FEM1A: variants seen among roughly 807,000 people sequenced by gnomAD.
FEM1A encodes fem-1 homolog A.
A neutral mutation model predicts 0.7 loss-of-function variants in FEM1A; 1 was observed. The ratio of observed to expected loss-of-function variants is 1.35; its 90% CI spans 0.48 to 6.40. FEM1A has a LOEUF of 6.40. Ranked by LOEUF, FEM1A falls within the 30% of genes most tolerant of loss-of-function variation. The pLI is 0.14. For missense variants in FEM1A, 721 were observed against 918.7 expected, an observed-to-expected ratio of 0.78 and a Z score of 2.78; for synonymous variants, 391 against 420.6, an observed-to-expected ratio of 0.93 and a Z score of 0.86.
chr19:4,792,479 A>G lies in FEM1A; in HGVS notation c.625A>G (p.Met209Val). Reference sequence around the variant, plus strand: ...GCTGCTGCTGGGGTGCAAGGCCCGCATGGAACGTGACGGCTACGGCATGAC... The same window carrying G: ...GCTGCTGCTGGGGTGCAAGGCCCGCGTGGAACGTGACGGCTACGGCATGAC... ...LQLLLGCKAR[M>V]ERDGYGMTPL... The change falls in exon 1 of 1, where the codon ATG becomes GTG. Residue 209 changes from methionine (M) to valine (V), a missense_variant. This residue lies in a region of FEM1A where 195 missense variants were observed against 316.9 expected (regional missense o/e 0.62). Coordinates refer to ENST00000269856, the MANE Select transcript of FEM1A (RefSeq NM_018708.3). This position sits in a 1 kb window ranked among gnomAD's most constrained non-coding sequence, Gnocchi z 6.7. The G allele has an allele frequency of 6.3e-7, 1 of 1,597,416 alleles. No individual in the cohort carries two copies. The highest frequency in any genetic ancestry group is 8.5e-7 in the Non-Finnish European group (1 of 1,179,658).
rs2093564899 is a variant in FEM1A at position 4,798,935 on chromosome 19, G to C, written c.*5071G>C. On this transcript the variant is annotated 3_prime_UTR_variant, in exon 1 of 1. Coordinates refer to ENST00000269856, the MANE Select transcript of FEM1A (RefSeq NM_018708.3). ...CTTTGAAAGCTCAGACCTGGGGATT[G>C]TAACTTTAGCCTCATACCTTCTAAT... The C allele has an allele frequency of 6.6e-6, 1 of 152,180 alleles. No homozygotes were observed. Among genetic ancestry groups the C allele is most frequent in the Non-Finnish European group, 1.5e-5 (1 of 68,058 alleles). 9.4% of individuals were successfully genotyped at this position (152,180 alleles called of 1,614,324 possible).
chr19:4,792,507 C>G lies in FEM1A; in HGVS notation c.653C>G (p.Pro218Arg). The G allele has an allele frequency of 1.3e-6, 2 of 1,598,506 alleles. No individual in the cohort carries two copies. Among genetic ancestry groups the G allele is most frequent in the Non-Finnish European group, 1.7e-6 (2 of 1,179,668 alleles). Residue 218 changes from proline to arginine, a missense_variant, in exon 1 of 1, where the codon CCG becomes CGG. This residue lies in a region of FEM1A where 137 missense variants were observed against 121.7 expected (regional missense o/e 1.13). Transcript: ENST00000269856. This position sits in a 1 kb window ranked among gnomAD's most constrained non-coding sequence, Gnocchi z 6.7. ...RMERDGYGMT[P>R]LLAASVTGHT... ...GAACGTGACGGCTACGGCATGACCCCGCTGCTCGCGGCCAGCGTGACGGGC... is the reference window on the plus strand; with the variant it reads ...GAACGTGACGGCTACGGCATGACCCGGCTGCTCGCGGCCAGCGTGACGGGC...
Position 4,797,434 on chromosome 19 carries a change from G to A in FEM1A, c.*3570G>A, listed in dbSNP as rs1439688068. On this transcript the variant is annotated 3_prime_UTR_variant, in exon 1 of 1. Transcript: ENST00000269856. ...GGCCTCCCAAAGTGCTGGGATTACA[G>A]GCATGAGCCACCGCACCCGACCAGA... 1 of 152,068 alleles carries A rather than the reference G, an allele frequency of 6.6e-6. No homozygotes were observed. Among genetic ancestry groups the A allele is most frequent in the African/African-American group, 2.4e-5 (1 of 41,324 alleles). 9.4% of individuals were successfully genotyped at this position (152,068 alleles called of 1,614,324 possible).
In FEM1A at chr19:4,791,860, C is replaced by T; in HGVS notation, c.6C>T (p.Asp2=). The change falls in exon 1 of 1, where the codon GAC becomes GAT. Residue 2 remains aspartate (D), a synonymous_variant. Transcript: ENST00000269856. ...GCCTGGCGGAGGCCCGAACCATGGACCTCCGCACCGCCGTGTACAACGCCG... is the reference window on the plus strand; with the variant it reads ...GCCTGGCGGAGGCCCGAACCATGGATCTCCGCACCGCCGTGTACAACGCCG... M[D]LRTAVYNAAR... 6.6e-7 allele frequency: 1 copy of T among 1,510,406 alleles called. No individual in the cohort carries two copies. The highest frequency in any genetic ancestry group is 8.8e-7 in the Non-Finnish European group (1 of 1,134,978). 93.6% of individuals were successfully genotyped at this position (1,510,406 alleles called of 1,614,324 possible).
chr19:4,800,451 A>C lies in FEM1A; in HGVS notation c.*6587A>C, dbSNP rs1192893726. 2.0e-5 allele frequency: 3 copies of C among 152,468 alleles called. No individual in the cohort carries two copies. Among genetic ancestry groups the C allele is most frequent in the East Asian group, 3.9e-4 (2 of 5,184 alleles). 9.4% of individuals were successfully genotyped at this position (152,468 alleles called of 1,614,324 possible). ...CAGCCTGCTGCCAGTCTGATTCCAC[A>C]GAACTGAAGTCGGGACCTGGAGTTC... On this transcript the variant is annotated 3_prime_UTR_variant, in exon 1 of 1. Transcript: ENST00000269856.
rs1299910207 is a variant in FEM1A, at chr19:4,792,167, C to T, written c.313C>T (p.Arg105Cys). ...HLDVVRSLLR[R>C]GASVNRTTRT... ...GGACGTGGTGCGGAGCCTGCTGCGC[C>T]GCGGGGCCTCGGTGAACCGCACCAC... is the stretch of plus-strand genomic sequence containing the variant. Residue 105 changes from arginine to cysteine, a missense_variant, in exon 1 of 1, where the codon CGC becomes TGC. Arg to Cys is a radical substitution (Grantham distance 180, BLOSUM62 -3). Transcript: ENST00000269856. This position sits in a 1 kb window ranked among gnomAD's most constrained non-coding sequence, Gnocchi z 6.7. 2 of 1,511,546 alleles carry T rather than the reference C, an allele frequency of 1.3e-6. No individual in the cohort carries two copies. The highest frequency in any genetic ancestry group is 1.2e-5 in the South Asian group (1 of 81,902). 93.6% of individuals were successfully genotyped at this position (1,511,546 alleles called of 1,614,324 possible).
At position 4,799,264 on chromosome 19, in the gene FEM1A, A is replaced by G. The variant is rs2093565297; in HGVS notation, c.*5400A>G. On this transcript the variant is annotated 3_prime_UTR_variant, in exon 1 of 1. Coordinates refer to ENST00000269856, the MANE Select transcript of FEM1A (RefSeq NM_018708.3). ...CCTATCTATTCTAAAAATACAAAAA[A>G]TTAGCCAGGCACGGTGGCAGGCACC... is the stretch of plus-strand genomic sequence containing the variant. 2 of 152,066 alleles carry G rather than the reference A, an allele frequency of 1.3e-5. No individual in the cohort carries two copies. 9.4% of individuals were successfully genotyped at this position (152,066 alleles called of 1,614,324 possible).
rs1328611437 is a variant in FEM1A, at chr19:4,793,472, C to T, written c.1618C>T (p.His540Tyr). ...PRGKNGFTPL[H>Y]MAVDKDTTNV... ...GGGCAAGAACGGCTTCACCCCTCTG[C>T]ACATGGCTGTGGACAAGGACACCAC... is the stretch of plus-strand genomic sequence containing the variant. Residue 540 changes from histidine to tyrosine, a missense_variant, in exon 1 of 1, where the codon CAC becomes TAC. Coordinates refer to ENST00000269856, the MANE Select transcript of FEM1A (RefSeq NM_018708.3). The surrounding 1 kb of genome is among the most constrained non-coding windows in gnomAD (Gnocchi z 5.1). The T allele has an allele frequency of 1.2e-6, 2 of 1,612,642 alleles. No homozygotes were observed. Among genetic ancestry groups the T allele is most frequent in the Admixed American group, 3.3e-5 (2 of 60,020 alleles).
chr19:4,791,740 A>C lies in FEM1A; in HGVS notation c.-115A>C. 2 of 1,100,184 alleles carry C rather than the reference A, an allele frequency of 1.8e-6. No homozygotes were observed. Among genetic ancestry groups the C allele is most frequent in the Non-Finnish European group, 1.2e-6 (1 of 816,256 alleles). The allele number at this position is 1,100,184 out of a possible 1,614,324, so 68.2% of individuals were successfully genotyped here. ...CAGCCATTTTGTTCCGCCCGAGGAG[A>C]CCCTAAGATGGCGGCGAGGGGGACG... On this transcript the variant is annotated 5_prime_UTR_variant, in exon 1 of 1. Coordinates refer to ENST00000269856, the MANE Select transcript of FEM1A (RefSeq NM_018708.3).
At position 4,793,988 on chromosome 19, in the gene FEM1A, C is replaced by T. The variant is rs2146150136; in HGVS notation, c.*124C>T. 3 of 951,756 alleles carry T rather than the reference C, an allele frequency of 3.2e-6. No homozygotes were observed. The highest frequency in any genetic ancestry group is 3.4e-5 in the South Asian group (2 of 59,150). 59.0% of individuals were successfully genotyped at this position (951,756 alleles called of 1,614,324 possible). The stretch of plus-strand genomic sequence containing the variant: ...GCACCAATCAGGAGAAGGGTTCTGC[C>T]TCCCATCCCCTCTACCTGCAGACAG... On this transcript the variant is annotated 3_prime_UTR_variant, in exon 1 of 1. Coordinates refer to ENST00000269856, the MANE Select transcript of FEM1A (RefSeq NM_018708.3). The surrounding 1 kb of genome is among the most constrained non-coding windows in gnomAD (Gnocchi z 5.1).
chr19:4,791,974 C>T lies in FEM1A; in HGVS notation c.120C>T (p.Gly40=), dbSNP rs1388013738. ...ELDELTGEVA[G]GGTPLLIAAR... ...ACGAGCTGACGGGCGAGGTGGCCGGCGGGGGAACGCCGCTACTCATCGCCG... is the reference window on the plus strand; with the variant it reads ...ACGAGCTGACGGGCGAGGTGGCCGGTGGGGGAACGCCGCTACTCATCGCCG... The change falls in exon 1 of 1, where the codon GGC becomes GGT. Residue 40 remains glycine (G), a synonymous_variant. Coordinates refer to ENST00000269856, the MANE Select transcript of FEM1A (RefSeq NM_018708.3). The T allele has an allele frequency of 2.6e-6, 4 of 1,532,934 alleles. No individual in the cohort carries two copies. The highest frequency in any genetic ancestry group is 3.5e-6 in the Non-Finnish European group (4 of 1,146,990). The allele number at this position is 1,532,934 out of a possible 1,614,324, so 95.0% of individuals were successfully genotyped here.
rs2093558191 is a variant in FEM1A, at chr19:4,794,081, T to A, written c.*217T>A. On this transcript the variant is annotated 3_prime_UTR_variant, in exon 1 of 1. Transcript: ENST00000269856. ...GGTCATGTGCTAAGAGGACAGTCTTTCTCCGGGAGCCCGCTCACTCATTCT... is the reference window on the plus strand; with the variant it reads ...GGTCATGTGCTAAGAGGACAGTCTTACTCCGGGAGCCCGCTCACTCATTCT... The A allele has an allele frequency of 5.3e-6, 3 of 569,898 alleles. No homozygotes were observed. In the East Asian group the frequency reaches 9.2e-5, roughly 17 times the overall value. 35.3% of individuals were successfully genotyped at this position (569,898 alleles called of 1,614,324 possible).
Position 4,793,394 on chromosome 19 carries a change from C to T in FEM1A, c.1540C>T (p.Gln514Ter). 6.2e-7 allele frequency: 1 copy of T among 1,612,170 alleles called. No homozygotes were observed. Among genetic ancestry groups the T allele is most frequent in the Non-Finnish European group, 8.5e-7 (1 of 1,179,854 alleles). The part of the protein sequence containing the change: ...LLEKVECTPS[Q>*]EHLKHQTVYR... ...GGAGAAAGTGGAGTGCACCCCCAGC[C>T]AGGAGCACCTGAAGCACCAGACCGT... The change falls in exon 1 of 1, where the codon CAG becomes TAG. Residue 514 changes from glutamine (Q) to a stop codon, truncating the protein, a stop_gained. Coordinates refer to ENST00000269856, the MANE Select transcript of FEM1A (RefSeq NM_018708.3). LOFTEE classifies it low-confidence loss of function (END_TRUNC). The surrounding 1 kb of genome is among the most constrained non-coding windows in gnomAD (Gnocchi z 5.1).
In FEM1A at chr19:4,792,937, G is replaced by A. The variant is rs746506477; in HGVS notation, c.1083G>A (p.Glu361=). 2.1e-5 allele frequency: 34 copies of A among 1,612,334 alleles called. No individual in the cohort carries two copies. Among genetic ancestry groups the A allele is most frequent in the Non-Finnish European group, 2.6e-5 (31 of 1,179,766 alleles). Residue 361 remains glutamate, a synonymous_variant, in exon 1 of 1, where the codon GAG becomes GAA. Transcript: ENST00000269856. The surrounding 1 kb of genome is among the most constrained non-coding windows in gnomAD (Gnocchi z 6.7). ...AGGTCAACACCACCGAGGAGCTGGA[G>A]GCGCTGATCACCGACCCGGATGAGA... ...SREVNTTEEL[E]ALITDPDEMR...
In FEM1A at chr19:4,798,768, T is replaced by C. The variant is rs1389363871; in HGVS notation, c.*4904T>C. On this transcript the variant is annotated 3_prime_UTR_variant, in exon 1 of 1. Transcript: ENST00000269856. Reference sequence around the variant, plus strand: ...CTTTCCCCTGCTTTCTGGTGTTGTTTTGGCACAAGCTCTCCCATCCCTGGG... The same window carrying C: ...CTTTCCCCTGCTTTCTGGTGTTGTTCTGGCACAAGCTCTCCCATCCCTGGG... 1 of 152,134 alleles carries C rather than the reference T, an allele frequency of 6.6e-6. No individual in the cohort carries two copies. The highest frequency in any genetic ancestry group is 1.5e-5 in the Non-Finnish European group (1 of 68,060). The allele number at this position is 152,134 out of a possible 1,614,324, so 9.4% of individuals were successfully genotyped here. A position where few individuals can be genotyped will look rare whatever the true frequency, so the allele number is the denominator to read the frequency against.
rs1056037820 is a variant in FEM1A, at chr19:4,797,317, A to G, written c.*3453A>G. 6.6e-6 allele frequency: 1 copy of G among 151,726 alleles called. No individual in the cohort carries two copies. The allele number at this position is 151,726 out of a possible 1,614,324, so 9.4% of individuals were successfully genotyped here. A position where few individuals can be genotyped will look rare whatever the true frequency, so the allele number is the denominator to read the frequency against. On this transcript the variant is annotated 3_prime_UTR_variant, in exon 1 of 1. Transcript: ENST00000269856. ...GCTGGGACTACAGGCACCTGCCACC[A>G]TGCCCGGCTAATTTTTTGTATTTTT... is the stretch of plus-strand genomic sequence containing the variant.
rs1425429466 is a variant in FEM1A, at chr19:4,791,974, CG to C, written c.125del (p.Gly42GlufsTer68). 4 of 1,532,930 alleles carry C rather than the reference CG, an allele frequency of 2.6e-6. No homozygotes were observed. The South Asian group carries it at 4.8e-5, about 18-fold the overall frequency. 95.0% of individuals were successfully genotyped at this position (1,532,930 alleles called of 1,614,324 possible). On this transcript the variant is annotated frameshift_variant, in exon 1 of 1. Coordinates refer to ENST00000269856, the MANE Select transcript of FEM1A (RefSeq NM_018708.3). LOFTEE classifies it low-confidence loss of function (END_TRUNC). ...LDELTGEVAG[G>X]GTPLLIAARY... is the part of the protein sequence containing the mutation. Reference sequence around the variant, plus strand: ...ACGAGCTGACGGGCGAGGTGGCCGGCGGGGGAACGCCGCTACTCATCGCCGC... The same window carrying C: ...ACGAGCTGACGGGCGAGGTGGCCGGCGGGGAACGCCGCTACTCATCGCCGC...
In FEM1A at chr19:4,793,858, G is replaced by T; in HGVS notation, c.2004G>T (p.Leu668=). 5 of 1,599,070 alleles carry T rather than the reference G, an allele frequency of 3.1e-6. No individual in the cohort carries two copies. Among genetic ancestry groups the T allele is most frequent in the Non-Finnish European group, 4.3e-6 (5 of 1,174,052 alleles). The stretch of plus-strand genomic sequence containing the variant: ...AAGATCTGGAGGCGTTCATCGAACT[G>T]CACTGACCTGCCCAGAACGCCTGCA... ...IPEDLEAFIE[L]H is the part of the protein sequence containing the mutation. Residue 668 remains leucine (L), a synonymous_variant, in exon 1 of 1, where the codon CTG becomes CTT. Coordinates refer to ENST00000269856, the MANE Select transcript of FEM1A (RefSeq NM_018708.3). This position sits in a 1 kb window ranked among gnomAD's most constrained non-coding sequence, Gnocchi z 5.1.
rs1331902122 is a variant in FEM1A at position 4,796,467 on chromosome 19, G to A, written c.*2603G>A. 1 of 152,230 alleles carries A rather than the reference G, an allele frequency of 6.6e-6. No individual in the cohort carries two copies. The highest frequency in any genetic ancestry group is 1.5e-5 in the Non-Finnish European group (1 of 68,086). The allele number at this position is 152,230 out of a possible 1,614,324, so 9.4% of individuals were successfully genotyped here. A position where few individuals can be genotyped will look rare whatever the true frequency, so the allele number is the denominator to read the frequency against. ...GCCTCCTAAAGTGCTGGGATTATAG[G>A]TGTGAGCCACCACGCCTGGCCCTTT... On this transcript the variant is annotated 3_prime_UTR_variant, in exon 1 of 1. Transcript: ENST00000269856.
Sources: allele counts gnomAD v4.1 joint callset, GRCh38; gene constraint gnomAD v4.1.1; regional missense constraint gnomAD v4.1.1; non-coding constraint Gnocchi (gnomAD v3.1); transcripts MANE v1.5; gene names NCBI Gene and HGNC (gene_info 2026-07-23, HGNC 2026-07-21).